GRID1: variants seen among roughly 807,000 people sequenced by gnomAD.
GRID1 encodes the protein glutamate ionotropic receptor delta type subunit 1.
GRID1 carries 28 observed loss-of-function variants against 98.0 expected under a neutral mutation model. The observed-to-expected ratio is 0.29, with a 90% CI of 0.21 to 0.39. The LOEUF is 0.39. Among genes scored for constraint, GRID1 ranks in the 10% least tolerant of loss-of-function variants. The pLI is 1.00. For synonymous variants in GRID1, 553 were observed against 538.5 expected (o/e 1.03, Z -0.37); for missense variants, 1,111 against 1,340.5 (o/e 0.83, Z 2.67).
At chr10:85,961,554 T>C (rs1842267379) in intron 4 of GRID1, among the ~76,000 whole-genome samples, 1 of 150,832 alleles carries the variant, frequency 6.6e-6, no homozygotes, top group Non-Finnish European at 1.5e-5. Flanking sequence ...CTTCTTCCCT[T>C]TCCTCCTTCC....
At chr10:85,906,729 G>A (rs1329643011) in intron 5 of GRID1, among the ~76,000 whole-genome samples, 1 of 152,074 alleles carries the variant, frequency 6.6e-6, no homozygotes, top group Non-Finnish European at 1.5e-5. Context: ...AAGATTTGTG[G>A]GATGTCACTA....
At chr10:85,915,110 C>T (rs978849237) in intron 5 of GRID1, among the ~76,000 whole-genome samples, 1 of 152,276 alleles carries the variant, frequency 6.6e-6, no homozygotes, top group Admixed American at 6.5e-5. Flanking sequence ...TGGGGCCAAA[C>T]TGGTGGGATG....
intron 3 of GRID1, among the ~76,000 whole-genome samples, chr10:86,165,646 A>G (rs1230868281): frequency 6.6e-6 from 1 of 152,138 alleles, no homozygotes; most frequent in Non-Finnish European, 1.5e-5. Flanking sequence ...GGTTATAAAG[A>G]CTGGGCCTGG....
intron 3 of GRID1, among the ~76,000 whole-genome samples, chr10:86,157,210 T>A (rs1199685487): frequency 2.6e-5 from 4 of 152,166 alleles, no homozygotes; most frequent in African/African-American, 7.2e-5. Context: ...CTTAATCAGA[T>A]GCTTGAAAAC....
chr10:86,321,660 A>G (rs999486976), intron 2 of GRID1, among the ~76,000 whole-genome samples: 1 of 152,166 alleles, frequency 6.6e-6, no homozygotes, highest in Non-Finnish European at 1.5e-5. Context: ...GAAGCCCCAA[A>G]TCAAATGTGA....
chr10:85,807,162 C>A (rs925397966), intron 8 of GRID1, among the ~76,000 whole-genome samples: 1 of 151,900 alleles, frequency 6.6e-6, no homozygotes, highest in Admixed American at 6.6e-5. Context: ...CCAGCCTGGC[C>A]AACATGGCAA....
At chr10:86,087,065 G>A (rs975799339) in intron 4 of GRID1, among the ~76,000 whole-genome samples, 3 of 152,106 alleles carry the variant, frequency 2.0e-5, no homozygotes, top group South Asian at 2.1e-4. Context: ...AATAGTTTAG[G>A]GTTAAAAAAT....
chr10:86,076,451 G>A (rs1453504044), intron 4 of GRID1, among the ~76,000 whole-genome samples: 4 of 152,224 alleles, frequency 2.6e-5, no homozygotes, highest in African/African-American at 4.8e-5. Context: ...CAAACCTGAT[G>A]TATTAGTCAG....
rs146165984 is a variant in GRID1 at position 86,226,228 on chromosome 10, G to A, written c.236-19580C>T. On this transcript the variant is annotated intron_variant, in intron 2 of 15. Coordinates refer to ENST00000327946, the MANE Select transcript of GRID1 (RefSeq NM_017551.3). ...ACCCACCCACCCCTGGCCGTCACAC[G>A]TCATACGCCTCACTCATATATGCAA... Among the ~76,000 whole-genome samples the A allele has an allele frequency of 3.3e-4, 50 of 151,606 alleles. 1 individual carries two copies. The highest frequency in any genetic ancestry group is 1.1e-3 in the African/African-American group (44 of 41,256).
intron 2 of GRID1, among the ~76,000 whole-genome samples, chr10:86,363,548 G>C (rs1166113317): frequency 6.6e-6 from 1 of 152,180 alleles, no homozygotes; most frequent in Non-Finnish European, 1.5e-5. Flanking sequence ...GGGCCACTGA[G>C]ATCAGGGGAG....
In GRID1 at chr10:86,090,842, G is replaced by A. The variant is rs557855027; in HGVS notation, c.726+47977C>T. On this transcript the variant is annotated intron_variant, in intron 4 of 15. Transcript: ENST00000327946. ...ATCCCAACTCCAGAAGTGGGAAAGGGAGACCCTCCTCTCCTGAACACACCC... is the reference window on the plus strand; with the variant it reads ...ATCCCAACTCCAGAAGTGGGAAAGGAAGACCCTCCTCTCCTGAACACACCC... Among the ~76,000 whole-genome samples, 184 of 152,330 alleles carry A rather than the reference G, an allele frequency of 1.2e-3. 1 individual carries two copies. The highest frequency in any genetic ancestry group is 2.2e-3 in the Non-Finnish European group (151 of 68,026).
chr10:85,859,766 G>A (rs1564611824), intron 6 of GRID1, among the ~76,000 whole-genome samples: 1 of 152,160 alleles, frequency 6.6e-6, no homozygotes, highest in Non-Finnish European at 1.5e-5. Flanking sequence ...TCCAACCTCA[G>A]CATCCTCACT....
At chr10:85,653,357 A>G (rs1193738746) in intron 12 of GRID1, among the ~76,000 whole-genome samples, 2 of 152,252 alleles carry the variant, frequency 1.3e-5, no homozygotes, top group Non-Finnish European at 2.9e-5. Flanking sequence ...CATCTAGGGC[A>G]TGTGTTTCTC....
At chr10:86,177,453 A>G (rs1051619943) in intron 3 of GRID1, among the ~76,000 whole-genome samples, 14 of 151,892 alleles carry the variant, frequency 9.2e-5, no homozygotes, top group Admixed American at 8.5e-4. Context: ...GGGTGGGTGC[A>G]TGCATTACAG....
intron 2 of GRID1, among the ~76,000 whole-genome samples, chr10:86,226,056 A>T (rs1438710604): frequency 6.6e-6 from 1 of 152,066 alleles, no homozygotes; most frequent in Non-Finnish European, 1.5e-5. Context: ...GCAGGTGGAC[A>T]GGTAGGCTGA....
chr10:85,732,538 A>T (rs1381653566), intron 8 of GRID1, among the ~76,000 whole-genome samples: 1 of 152,120 alleles, frequency 6.6e-6, no homozygotes, highest in Non-Finnish European at 1.5e-5. Context: ...GGCAGGAAGA[A>T]ACAGTTGGGA....
intron 2 of GRID1, among the ~76,000 whole-genome samples, chr10:86,286,044 CGGGATAGGGATAGGGATG>C (rs1019032448): frequency 4.6e-5 from 7 of 151,844 alleles, no homozygotes; most frequent in African/African-American, 1.7e-4. Context: ...AATTAGATGT[CGGGATAGGGATAGGGATG>C]GGGATAGGGA....
chr10:85,862,281 T>G (rs1843170728), intron 6 of GRID1, among the ~76,000 whole-genome samples: 1 of 152,196 alleles, frequency 6.6e-6, no homozygotes, highest in Non-Finnish European at 1.5e-5. Context: ...AAATGGGTAT[T>G]TATGCAATTA....
Position 85,707,727 on chromosome 10 carries a change from T to C in GRID1, c.1997+15276A>G, listed in dbSNP as rs199789477. Among the ~76,000 whole-genome samples, 35 of 152,194 alleles carry C rather than the reference T, an allele frequency of 2.3e-4. No homozygotes were observed. The East Asian group carries it at 6.2e-3, about 27-fold the overall frequency. On this transcript the variant is annotated intron_variant, in intron 12 of 15. Transcript: ENST00000327946. The stretch of plus-strand genomic sequence containing the variant: ...TGGAACCAACCCAAATGTCCAACAA[T>C]GATAGACTGGATTAAGGAAATGTGG...
Sources: allele counts gnomAD v4.1 joint callset (sites outside exome capture counted in the v4.1 genomes callset), GRCh38; gene constraint gnomAD v4.1.1; transcripts MANE v1.5; gene names NCBI Gene and HGNC (gene_info 2026-07-23, HGNC 2026-07-21).